The following CAST variants were observed in gnomAD, a reference collection of about 807,000 sequenced individuals.
The protein encoded by CAST is calpastatin.
A neutral mutation model predicts 119.6 loss-of-function variants in CAST; 76 were observed. That is an observed-to-expected ratio of 0.64 (90% CI 0.53 to 0.77). The LOEUF is 0.77. CAST is among the 30% of genes least tolerant of loss of function. CAST has a pLI of 0.00. For synonymous variants in CAST, 319 were observed against 331.6 expected, an observed-to-expected ratio of 0.96 and a Z score of 0.41; for missense variants, 953 against 946.5, an observed-to-expected ratio of 1.01 and a Z score of -0.09.
chr5:96,022,608 C>G, the CAST span, among the ~76,000 whole-genome samples: 1 of 152,176 alleles, frequency 6.6e-6, no homozygotes, highest in African/African-American at 2.4e-5. Flanking sequence ...TCACGACATA[C>G]AATCCAATGA....
At chr5:96,465,198 C>A in the CAST span, among the ~76,000 whole-genome samples, 4 of 150,916 alleles carry the variant, frequency 2.7e-5, no homozygotes, top group African/African-American at 9.7e-5. Flanking sequence ...AAATTTTATT[C>A]TTTTTATATT....
chr5:96,305,844 A>G, the CAST span, among the ~76,000 whole-genome samples: 1 of 152,132 alleles, frequency 6.6e-6, no homozygotes, highest in Admixed American at 6.5e-5. Context: ...GTGCTGCTAG[A>G]TTTGGTTTGC....
chr5:96,407,079 A>T, the CAST span, among the ~76,000 whole-genome samples: 1 of 152,254 alleles, frequency 6.6e-6, no homozygotes, highest in African/African-American at 2.4e-5. Flanking sequence ...AAGAAACCAT[A>T]ATAAAAGACA....
the CAST span, among the ~76,000 whole-genome samples, chr5:96,161,271 T>G: frequency 6.6e-6 from 1 of 152,168 alleles, no homozygotes; most frequent in Non-Finnish European, 1.5e-5. Flanking sequence ...TTTTCTATTT[T>G]GAGTTAAATT....
At chr5:95,967,416 T>TTAAAATAAATAAATAAATAAATAAA in the CAST span, among the ~76,000 whole-genome samples, 5 of 144,514 alleles carry the variant, frequency 3.5e-5, no homozygotes, top group East Asian at 2.0e-4. Context: ...GACCCTATCT[T>TTAAAATAAATAAATAAATAAATAAA]TAAATAAATA....
chr5:96,149,646 A>G, the CAST span, among the ~76,000 whole-genome samples: 1 of 152,198 alleles, frequency 6.6e-6, no homozygotes, highest in East Asian at 1.9e-4. Flanking sequence ...TTATTTCTGA[A>G]TATCACTGAC....
chr5:96,598,678 T>C (rs1747094992), intron 1 of CAST, among the ~76,000 whole-genome samples: 1 of 152,208 alleles, frequency 6.6e-6, no homozygotes, highest in Non-Finnish European at 1.5e-5. Flanking sequence ...GCCCAGGTAT[T>C]TGGTCACACA....
intron 25 of CAST, chr5:96,763,163 CAT>C: frequency 3.8e-6 from 3 of 780,556 alleles, no homozygotes; most frequent in Non-Finnish European, 7.2e-6. Context: ...AGCATCAAAG[CAT>C]ATTTAGTGCT....
Position 96,741,374 on chromosome 5 carries a change from T to C in CAST, c.1011+16T>C. ...TGAAAAAGAGGTATTGTTTTTAGTG[T>C]TGTTAAGGGAAACTTGTTAGGAACT... On this transcript the variant is annotated intron_variant, in intron 14 of 31. Transcript: ENST00000675179. The C allele has an allele frequency of 1.3e-6, 2 of 1,567,942 alleles. No homozygotes were observed. Among genetic ancestry groups the C allele is most frequent in the Non-Finnish European group, 1.8e-6 (2 of 1,138,418 alleles).
chr5:96,199,352 G>T, the CAST span, among the ~76,000 whole-genome samples: 4 of 152,106 alleles, frequency 2.6e-5, no homozygotes, highest in Non-Finnish European at 5.9e-5. Context: ...TCTCAAAAAA[G>T]GATGAGAAAT....
the CAST span, among the ~76,000 whole-genome samples, chr5:96,069,216 CATATATATGTGTGTATGTATAT>C: frequency 6.6e-6 from 1 of 151,414 alleles, no homozygotes; most frequent in African/African-American, 2.4e-5. Context: ...TGTATATATA[CATATATATGTGTGTATGTATAT>C]AAAATATGTT....
chr5:96,014,533 A>T, the CAST span, among the ~76,000 whole-genome samples: 1 of 152,188 alleles, frequency 6.6e-6, no homozygotes, highest in Non-Finnish European at 1.5e-5. Flanking sequence ...CTGGCAGCAC[A>T]GTAGGTTTGT....
intron 1 of CAST, among the ~76,000 whole-genome samples, chr5:96,569,855 C>A (rs1746541103): frequency 6.6e-6 from 1 of 152,216 alleles, no homozygotes; most frequent in Admixed American, 6.5e-5. Context: ...GTGCACAAAG[C>A]ACATTTCTCC....
the CAST span, among the ~76,000 whole-genome samples, chr5:96,517,258 G>A: frequency 6.6e-6 from 1 of 151,868 alleles, no homozygotes; most frequent in African/African-American, 2.4e-5. Flanking sequence ...ACAAATGCTA[G>A]CTTTGGTTTC....
At chr5:96,371,338 T>A in the CAST span, among the ~76,000 whole-genome samples, 1 of 152,208 alleles carries the variant, frequency 6.6e-6, no homozygotes, top group African/African-American at 2.4e-5. Flanking sequence ...CTCATGTAGA[T>A]GCTGTACTAA....
chr5:96,050,189 G>A, the CAST span: 3 of 152,430 alleles, frequency 2.0e-5, no homozygotes, highest in African/African-American at 4.8e-5. Flanking sequence ...GTCTGTGGAG[G>A]AGTGGACAGG....
At chr5:96,178,339 C>G in the CAST span, among the ~76,000 whole-genome samples, 7 of 152,134 alleles carry the variant, frequency 4.6e-5, no homozygotes, top group Non-Finnish European at 1.0e-4. Flanking sequence ...TCTTGGCAGA[C>G]AAAAAGCCTT....
chr5:96,057,102 A>G, the CAST span, among the ~76,000 whole-genome samples: 1 of 152,294 alleles, frequency 6.6e-6, no homozygotes, highest in South Asian at 2.1e-4. Context: ...TAGAAACACT[A>G]TAGCTGAATT....
the CAST span, among the ~76,000 whole-genome samples, chr5:96,515,824 A>T: frequency 6.6e-6 from 1 of 152,122 alleles, no homozygotes; most frequent in Non-Finnish European, 1.5e-5. Flanking sequence ...CCCTGAGACC[A>T]ATTCACCCTT....
Sources: allele counts gnomAD v4.1 joint callset (sites outside exome capture counted in the v4.1 genomes callset), GRCh38; gene constraint gnomAD v4.1.1; transcripts MANE v1.5; gene names NCBI Gene and HGNC (gene_info 2026-07-23, HGNC 2026-07-21).